The following RHOU variants were observed in gnomAD, a reference collection of about 807,000 sequenced individuals.
RHOU encodes rho-related GTP-binding protein RhoU.
RHOU carries 8 observed loss-of-function variants against 12.6 expected under a neutral mutation model. The observed-to-expected ratio is 0.64, with a 90% confidence interval of 0.37 to 1.15. The LOEUF is 1.15. Among genes scored for constraint, RHOU ranks in the 50% most tolerant of loss-of-function variants. The pLI, the probability that RHOU is intolerant of heterozygous loss-of-function variation, is 0.01. For synonymous variants in RHOU, 161 were observed against 147.4 expected, an observed-to-expected ratio of 1.09 and a Z score of -0.67; for missense variants, 258 against 347.0, an observed-to-expected ratio of 0.74 and a Z score of 2.04.
chr1:228,682,336 G>A, the RHOU span, among the ~76,000 whole-genome samples: 1 of 152,198 alleles, frequency 6.6e-6, no homozygotes, highest in African/African-American at 2.4e-5. Context: ...CCTCTGACCC[G>A]GGTCTTCAGC....
At chr1:228,647,600 T>A in the RHOU span, among the ~76,000 whole-genome samples, 2 of 152,194 alleles carry the variant, frequency 1.3e-5, no homozygotes, top group Admixed American at 6.5e-5. Context: ...AGGTTGCGAC[T>A]GCGCCGGATG....
the RHOU span, among the ~76,000 whole-genome samples, chr1:228,663,852 C>T: frequency 6.6e-6 from 1 of 151,300 alleles, no homozygotes; most frequent in Non-Finnish European, 1.5e-5. Context: ...AGGCTGGTCC[C>T]GAACTCCTGA....
chr1:228,647,527 C>G, the RHOU span, among the ~76,000 whole-genome samples: 2 of 152,188 alleles, frequency 1.3e-5, no homozygotes, highest in Non-Finnish European at 2.9e-5. Context: ...CGTTCTGGAG[C>G]GGAGATCTTG....
chr1:228,708,725 C>T, the RHOU span, among the ~76,000 whole-genome samples: 10 of 151,914 alleles, frequency 6.6e-5, no homozygotes, highest in South Asian at 1.0e-3. Context: ...TAAAGACCAT[C>T]GAGACTAGGA....
the RHOU span, among the ~76,000 whole-genome samples, chr1:228,668,233 C>A: frequency 6.6e-6 from 1 of 152,218 alleles, no homozygotes; most frequent in Non-Finnish European, 1.5e-5. Flanking sequence ...CTGGACCTTG[C>A]TGTATATACC....
Position 228,745,514 on chromosome 1 carries a change from T to TAA in RHOU, c.*1777_*1778dup, listed in dbSNP as rs1471828228. 6.6e-6 allele frequency: 1 copy of TAA among 152,218 alleles called. No homozygotes were observed. Among genetic ancestry groups the TAA allele is most frequent in the Non-Finnish European group, 1.5e-5 (1 of 68,034 alleles). The allele number at this position is 152,218 out of a possible 1,614,324, so 9.4% of individuals were successfully genotyped here. On this transcript the variant is annotated 3_prime_UTR_variant, in exon 3 of 3. Coordinates refer to ENST00000366691, the MANE Select transcript of RHOU (RefSeq NM_021205.6). Reference sequence around the variant, plus strand: ...GGTTCTATTTATTCCTGTTAGTAAATAAAATTAACAAATTTCTTTGTTTAA... The same window carrying TAA: ...GGTTCTATTTATTCCTGTTAGTAAATAAAAAATTAACAAATTTCTTTGTTTAA...
chr1:228,647,665 G>A, the RHOU span, among the ~76,000 whole-genome samples: 13 of 152,202 alleles, frequency 8.5e-5, 1 homozygote, highest in Admixed American at 6.5e-4. Context: ...CGAACGGCAG[G>A]GAATCCTGGC....
At chr1:228,661,050 CAGAG>C in the RHOU span, among the ~76,000 whole-genome samples, 1 of 151,590 alleles carries the variant, frequency 6.6e-6, no homozygotes, top group African/African-American at 2.4e-5. Flanking sequence ...AACAGACAAA[CAGAG>C]AGCCAAATCA....
the RHOU span, among the ~76,000 whole-genome samples, chr1:228,676,812 G>A: frequency 1.3e-5 from 2 of 152,100 alleles, no homozygotes; most frequent in African/African-American, 4.8e-5. Flanking sequence ...AAGGGTGGGG[G>A]AGATTACAAA....
At chr1:228,732,131 T>A (rs1305831753), upstream of RHOU, among the ~76,000 whole-genome samples, 2 of 152,192 alleles carry the variant, frequency 1.3e-5, no homozygotes, top group Admixed American at 6.5e-5. Context: ...TGCAGAACCG[T>A]CAAGTTCAAA....
chr1:228,705,978 G>A, the RHOU span, among the ~76,000 whole-genome samples: 3 of 152,172 alleles, frequency 2.0e-5, no homozygotes, highest in African/African-American at 7.2e-5. Flanking sequence ...CCAGGAGGCG[G>A]AGGTTGCAGT....
the RHOU span, among the ~76,000 whole-genome samples, chr1:228,719,088 G>A: frequency 2.0e-5 from 3 of 152,164 alleles, no homozygotes; most frequent in Non-Finnish European, 4.4e-5. Flanking sequence ...AGAAGGAGGA[G>A]GAGTGGAGTA....
At chr1:228,687,942 T>G in the RHOU span, 1 of 690,780 alleles carries the variant, frequency 1.4e-6, no homozygotes, top group East Asian at 2.7e-5. Flanking sequence ...TCCCTCCCTC[T>G]GTCCCTTCCT....
At chr1:228,675,249 G>T in the RHOU span, among the ~76,000 whole-genome samples, 1 of 152,044 alleles carries the variant, frequency 6.6e-6, no homozygotes, top group Non-Finnish European at 1.5e-5. Flanking sequence ...AGGAGCATGG[G>T]TCTGTTTATG....
the RHOU span, among the ~76,000 whole-genome samples, chr1:228,660,460 C>T: frequency 4.6e-5 from 7 of 151,832 alleles, no homozygotes; most frequent in African/African-American, 1.7e-4. Flanking sequence ...GGAGTACTCC[C>T]TAACTCATTC....
rs1662596671 is a variant in RHOU, at chr1:228,735,919, G to A, written c.177G>A (p.Ala59=). The A allele has an allele frequency of 6.4e-7, 1 of 1,562,614 alleles. No homozygotes were observed. Among genetic ancestry groups the A allele is most frequent in the Non-Finnish European group, 8.6e-7 (1 of 1,158,752 alleles). The change falls in exon 1 of 3, where the codon GCG becomes GCA. Residue 59 remains alanine (A), a synonymous_variant. Transcript: ENST00000366691. This position sits in a 1 kb window ranked among gnomAD's most constrained non-coding sequence, Gnocchi z 8.1. ...AGTGCGTGCTGGTCGGCGACGGCGC[G>A]GTGGGCAAGACGAGCCTGGTGGTGA... is the stretch of plus-strand genomic sequence containing the variant. ...GVKCVLVGDG[A]VGKTSLVVSY...
the RHOU span, chr1:228,648,061 G>A: frequency 6.6e-6 from 1 of 152,250 alleles, no homozygotes; most frequent in South Asian, 2.1e-4. Flanking sequence ...CTGCCCCAAA[G>A]GCGCGGCTCA....
At chr1:228,667,314 C>T in the RHOU span, among the ~76,000 whole-genome samples, 1 of 152,112 alleles carries the variant, frequency 6.6e-6, no homozygotes, top group South Asian at 2.1e-4. Context: ...GTTTAAAGAA[C>T]AGTGGAAGCC....
chr1:228,730,815 T>G (rs962013913), upstream of RHOU, among the ~76,000 whole-genome samples: 1 of 152,212 alleles, frequency 6.6e-6, no homozygotes, highest in Non-Finnish European at 1.5e-5. Context: ...AAAAAAACCG[T>G]GCTGTTCTGA....
Sources: allele counts gnomAD v4.1 joint callset (sites outside exome capture counted in the v4.1 genomes callset), GRCh38; gene constraint gnomAD v4.1.1; non-coding constraint Gnocchi (gnomAD v3.1); transcripts MANE v1.5; gene names NCBI Gene and HGNC (gene_info 2026-07-23, HGNC 2026-07-21).